The following ACYP2 variants were observed in gnomAD, a reference collection of about 807,000 sequenced individuals.
ACYP2 encodes the protein acylphosphatase 2, also known as acylphosphatase-2.
Under a neutral mutation model 11.2 loss-of-function variants are expected in ACYP2, and 12 were observed. That is an observed-to-expected ratio of 1.08 (90% CI 0.69 to 1.74). The LOEUF (loss-of-function observed/expected upper bound fraction) is 1.74. ACYP2 is among the 40% of genes most tolerant of loss of function. ACYP2 has a pLI of 0.00. For missense variants in ACYP2, 134 were observed against 101.9 expected, an observed-to-expected ratio of 1.31 and a Z score of -1.35; for synonymous variants, 43 against 32.2, an observed-to-expected ratio of 1.33 and a Z score of -1.13.
chr2:54,301,912 C>T (rs1329767592), intron 6 of ACYP2, among the ~76,000 whole-genome samples: 2 of 152,100 alleles, frequency 1.3e-5, no homozygotes, highest in Non-Finnish European at 2.9e-5. Context: ...CAGGGTGGTT[C>T]CTAGCAACAG....
chr2:54,274,625 CAAAAAAAAAAAAA>C (rs70944155), intron 6 of ACYP2, among the ~76,000 whole-genome samples: 382 of 37,710 alleles, frequency 0.01, 5 homozygotes, highest in African/African-American at 0.043. Context: ...GACTCCATCT[CAAAAAAAAAAAAA>C]AAAAAAAAAA....
chr2:54,233,692 C>G (rs1394658717), intron 6 of ACYP2, among the ~76,000 whole-genome samples: 1 of 152,122 alleles, frequency 6.6e-6, no homozygotes, highest in African/African-American at 2.4e-5. Context: ...CTTTCTGTCA[C>G]TACAGATTAG....
chr2:54,110,771 A>C (rs1679418373), intron 4 of ACYP2, among the ~76,000 whole-genome samples: 1 of 151,918 alleles, frequency 6.6e-6, no homozygotes, highest in South Asian at 2.1e-4. Flanking sequence ...CCATCACCCC[A>C]AGCTCAGTGA....
At chr2:53,978,614 A>G (rs1194951593) in intron 2 of ACYP2, among the ~76,000 whole-genome samples, 1 of 152,102 alleles carries the variant, frequency 6.6e-6, no homozygotes, top group Non-Finnish European at 1.5e-5. Context: ...GGCTGGGGGT[A>G]GTGGCTCACA....
intron 4 of ACYP2, among the ~76,000 whole-genome samples, chr2:54,060,086 T>A (rs1184590559): frequency 6.6e-6 from 1 of 152,214 alleles, no homozygotes; most frequent in Non-Finnish European, 1.5e-5. Flanking sequence ...CAATCTGAAA[T>A]TGTATGTCTA....
intron 2 of ACYP2, among the ~76,000 whole-genome samples, chr2:54,028,193 CT>C (rs1288977846): frequency 5.9e-5 from 9 of 151,998 alleles, no homozygotes; most frequent in Admixed American, 5.9e-4. Flanking sequence ...ATTTCTCAGA[CT>C]TTTTTTGTTT....
At chr2:54,171,076 A>G (rs1396362394) in intron 6 of ACYP2, among the ~76,000 whole-genome samples, 1 of 152,076 alleles carries the variant, frequency 6.6e-6, no homozygotes, top group Non-Finnish European at 1.5e-5. Flanking sequence ...TATGTGACAG[A>G]TCCTGGGCCG....
At chr2:54,252,994 C>T (rs1300950781) in intron 6 of ACYP2, among the ~76,000 whole-genome samples, 2 of 152,018 alleles carry the variant, frequency 1.3e-5, no homozygotes, top group Admixed American at 6.5e-5. Context: ...GCAGGTGAAT[C>T]ATGAGGTCAG....
intron 6 of ACYP2, among the ~76,000 whole-genome samples, chr2:54,251,655 C>A (rs1687231942): frequency 6.6e-6 from 1 of 152,190 alleles, no homozygotes. Context: ...AGCAAAGGCA[C>A]TGACTGCGTG....
chr2:54,088,426 C>G (rs752979864), intron 4 of ACYP2, among the ~76,000 whole-genome samples: 1 of 152,124 alleles, frequency 6.6e-6, no homozygotes, highest in Non-Finnish European at 1.5e-5. Context: ...CAAAGGAGCC[C>G]GTACGTTATT....
rs117175581 is a variant in ACYP2 at position 54,062,135 on chromosome 2, A to C, written c.277+4775A>C. Among the ~76,000 whole-genome samples the C allele has an allele frequency of 1.0e-3, 154 of 152,344 alleles. 3 individuals carry two copies. The East Asian group carries it at 0.029, about 29-fold the overall frequency. On this transcript the variant is annotated intron_variant, in intron 4 of 6. Transcript: ENST00000607452. ...GGGTCTCATAGAGCTCTAGCCAGAA[A>C]AAATAAGCACATTCCACAAGGCTTG...
rs34900505 is a variant in ACYP2, at chr2:54,127,099, C to CTT, written c.278-8338_278-8337dup. 6.9e-3 allele frequency among the ~76,000 whole-genome samples: 908 copies of CTT among 131,132 alleles called. 16 individuals carry two copies. The highest frequency in any genetic ancestry group is 0.024 in the African/African-American group (845 of 35,062). 86.0% of individuals were successfully genotyped at this position (131,132 alleles called of 152,430 possible). ...AGTCTTCCTTCATGATGAATAGCTGCTTTTTTTTTTTTTTTTTGGACATGG... is the reference window on the plus strand; with the variant it reads ...AGTCTTCCTTCATGATGAATAGCTGCTTTTTTTTTTTTTTTTTTTGGACATGG... On this transcript the variant is annotated intron_variant, in intron 4 of 6. Coordinates refer to ENST00000607452, the MANE Select transcript of ACYP2 (RefSeq NM_001320586.2).
intron 4 of ACYP2, among the ~76,000 whole-genome samples, chr2:54,079,735 C>G (rs192056311): frequency 6.6e-6 from 1 of 152,308 alleles, no homozygotes; most frequent in East Asian, 1.9e-4. Context: ...GATGCTTACA[C>G]AATTTTGAGA....
chr2:54,270,733 A>G (rs1688260267), intron 6 of ACYP2, among the ~76,000 whole-genome samples: 1 of 152,220 alleles, frequency 6.6e-6, no homozygotes, highest in South Asian at 2.1e-4. Flanking sequence ...ACACTGCTTT[A>G]TTCAATTAGT....
chr2:54,287,464 C>T (rs1689126042), intron 6 of ACYP2, among the ~76,000 whole-genome samples: 1 of 151,952 alleles, frequency 6.6e-6, no homozygotes, highest in African/African-American at 2.4e-5. Flanking sequence ...TTTCCTTCCC[C>T]TTGAACATGG....
intron 6 of ACYP2, among the ~76,000 whole-genome samples, chr2:54,274,923 T>C (rs843747): frequency 0.68 from 103,014 of 152,098 alleles, 35,221 homozygotes; most frequent in African/African-American, 0.74. Context: ...GTGGTGCTTT[T>C]GATATCATTT....
chr2:54,175,535 G>T (rs1683422742), intron 6 of ACYP2, among the ~76,000 whole-genome samples: 1 of 151,852 alleles, frequency 6.6e-6, no homozygotes, highest in Non-Finnish European at 1.5e-5. Context: ...ATCTCCTTCA[G>T]TTCTGCTCTG....
At chr2:54,248,642 G>T (rs1270387311) in intron 6 of ACYP2, among the ~76,000 whole-genome samples, 1 of 152,060 alleles carries the variant, frequency 6.6e-6, no homozygotes, top group Non-Finnish European at 1.5e-5. Context: ...ACTGTAGATT[G>T]TCTGTCTCCT....
chr2:54,075,466 CT>C (rs1677280094), intron 4 of ACYP2, among the ~76,000 whole-genome samples: 1 of 150,194 alleles, frequency 6.7e-6, no homozygotes, highest in African/African-American at 2.5e-5. Context: ...CCACTGCATC[CT>C]ATCCTGGGTG....
Sources: allele counts gnomAD v4.1 joint callset (sites outside exome capture counted in the v4.1 genomes callset), GRCh38; gene constraint gnomAD v4.1.1; transcripts MANE v1.5; gene names NCBI Gene and HGNC (gene_info 2026-07-23, HGNC 2026-07-21).